DPYD: variants seen among roughly 807,000 people sequenced by gnomAD.
The protein encoded by DPYD is dihydropyrimidine dehydrogenase.
DPYD carries 109 observed loss-of-function variants against 116.2 expected under a neutral mutation model. The ratio of observed to expected loss-of-function variants is 0.94; its 90% CI spans 0.80 to 1.10. The LOEUF (loss-of-function observed/expected upper bound fraction) is 1.10. Ranked by LOEUF, DPYD falls within the 50% of genes least tolerant of loss-of-function variation. The pLI, the probability that DPYD is intolerant of heterozygous loss-of-function variation, is 0.00. For synonymous variants in DPYD, 440 were observed against 432.0 expected, an observed-to-expected ratio of 1.02 and a Z score of -0.23; for missense variants, 1,302 against 1,254.5, an observed-to-expected ratio of 1.04 and a Z score of -0.57.
chr1:97,306,195 C>A lies in DPYD; in HGVS notation c.2161G>T (p.Ala721Ser), dbSNP rs145548112. ...TPNVTDIVSI[A>S]RAAKEGGANG... ...TTCTTACCTTCCTTTGCAGCTCTTG[C>A]GATGCTCACAATATCAGTGACATTT... The change falls in exon 17 of 23, where the codon GCA becomes TCA. Residue 721 changes from alanine to serine, a missense_variant. Ala to Ser is a moderately conservative substitution (Grantham distance 99). Transcript: ENST00000370192. 5 of 1,612,376 alleles carry A rather than the reference C, an allele frequency of 3.1e-6. No individual in the cohort carries two copies. The highest frequency in any genetic ancestry group is 2.7e-5 in the African/African-American group (2 of 74,884).
chr1:97,173,434 G>A (rs1468160940), intron 20 of DPYD, among the ~76,000 whole-genome samples: 5 of 146,768 alleles, frequency 3.4e-5, no homozygotes, highest in African/African-American at 7.6e-5. Context: ...GTGTATATAC[G>A]TACATATATA....
rs150499371 is a variant in DPYD at position 97,078,869 on chromosome 1, G to A, written c.*107C>T. ...AATTACATATTTTTATTTAGAAAATGTATATTTGTTTTAATTTGGAAAGAG... is the reference window on the plus strand; with the variant it reads ...AATTACATATTTTTATTTAGAAAATATATATTTGTTTTAATTTGGAAAGAG... On this transcript the variant is annotated 3_prime_UTR_variant, in exon 23 of 23. Transcript: ENST00000370192. 1.5e-5 allele frequency: 19 copies of A among 1,289,728 alleles called. No individual in the cohort carries two copies. In the African/African-American group the frequency reaches 1.9e-4, roughly 13 times the overall value. The allele number at this position is 1,289,728 out of a possible 1,614,324, so 79.9% of individuals were successfully genotyped here. A position where few individuals can be genotyped will look rare whatever the true frequency, so the allele number is the denominator to read the frequency against.
intron 16 of DPYD, among the ~76,000 whole-genome samples, chr1:97,315,706 G>A (rs950549802): frequency 2.6e-5 from 4 of 151,930 alleles, no homozygotes; most frequent in African/African-American, 9.7e-5. Flanking sequence ...GAATCCAAAC[G>A]AATCTCTCAA....
chr1:97,701,983 C>G (rs1014071003), intron 5 of DPYD, among the ~76,000 whole-genome samples: 1 of 151,590 alleles, frequency 6.6e-6, no homozygotes, highest in Non-Finnish European at 1.5e-5. Flanking sequence ...TTATTCCCAG[C>G]TACAATTTGT....
chr1:97,395,264 C>T (rs1672948061), intron 14 of DPYD, among the ~76,000 whole-genome samples: 2 of 151,438 alleles, frequency 1.3e-5, no homozygotes. Flanking sequence ...GTAAGGGGTT[C>T]TAGATCCTTT....
At chr1:97,245,912 T>A (rs1316620025) in intron 18 of DPYD, among the ~76,000 whole-genome samples, 1 of 152,112 alleles carries the variant, frequency 6.6e-6, no homozygotes, top group Admixed American at 6.6e-5. Flanking sequence ...TCTTTCACTT[T>A]ACAAAGAATT....
At chr1:97,581,049 T>G (rs1162302761) in intron 10 of DPYD, among the ~76,000 whole-genome samples, 1 of 151,904 alleles carries the variant, frequency 6.6e-6, no homozygotes. Context: ...GGAGCCTGAT[T>G]AAAATTTGGC....
At chr1:97,703,150 C>G (rs757982306) in intron 5 of DPYD, among the ~76,000 whole-genome samples, 4 of 151,970 alleles carry the variant, frequency 2.6e-5, no homozygotes, top group African/African-American at 4.8e-5. Flanking sequence ...TTCTTTACAA[C>G]TTTTTATTGC....
chr1:97,151,425 G>A (rs916042799), intron 20 of DPYD, among the ~76,000 whole-genome samples: 3 of 152,164 alleles, frequency 2.0e-5, no homozygotes, highest in Non-Finnish European at 4.4e-5. Flanking sequence ...TGTAATCCCA[G>A]CACTTTGGGA....
intron 2 of DPYD, among the ~76,000 whole-genome samples, chr1:97,860,591 T>A (rs1260289616): frequency 6.6e-6 from 1 of 152,112 alleles, no homozygotes; most frequent in Non-Finnish European, 1.5e-5. Flanking sequence ...GACAAATCTT[T>A]AAGTTAAAAA....
At chr1:97,683,319 T>C (rs1169805180) in intron 7 of DPYD, among the ~76,000 whole-genome samples, 1 of 151,912 alleles carries the variant, frequency 6.6e-6, no homozygotes, top group East Asian at 1.9e-4. Context: ...TTTCTAATAC[T>C]ATCTCATAAT....
intron 20 of DPYD, among the ~76,000 whole-genome samples, chr1:97,149,680 C>T (rs555132576): frequency 5.4e-4 from 82 of 152,214 alleles, no homozygotes; most frequent in African/African-American, 1.9e-3. Flanking sequence ...TCCAAGCCTC[C>T]CAGTTTAAAA....
chr1:97,789,918 C>T (rs1020598798), intron 3 of DPYD, among the ~76,000 whole-genome samples: 1 of 151,976 alleles, frequency 6.6e-6, no homozygotes, highest in African/African-American at 2.4e-5. Flanking sequence ...CTTTGATAGA[C>T]TTAGAGATTG....
chr1:97,905,766 T>C (rs1382108062), intron 1 of DPYD, among the ~76,000 whole-genome samples: 1 of 152,036 alleles, frequency 6.6e-6, no homozygotes, highest in South Asian at 2.1e-4. Flanking sequence ...AGTGAATACA[T>C]ACGGTCAGGA....
intron 1 of DPYD, 99 bp downstream of exon 1, chr1:97,920,785 T>C (rs1286093627): frequency 6.7e-7 from 1 of 1,488,244 alleles, no homozygotes; most frequent in East Asian, 2.5e-5. Context: ...CGTCTCTCAC[T>C]CTCCGGGGTG....
intron 2 of DPYD, among the ~76,000 whole-genome samples, chr1:97,875,190 G>A (rs1039490111): frequency 6.6e-6 from 1 of 151,884 alleles, no homozygotes; most frequent in African/African-American, 2.4e-5. Context: ...TTCTTGCCTA[G>A]ATGACAAAGT....
At chr1:97,220,913 C>T (rs1048022774) in intron 19 of DPYD, among the ~76,000 whole-genome samples, 7 of 152,062 alleles carry the variant, frequency 4.6e-5, no homozygotes, top group Admixed American at 1.3e-4. Context: ...ACTCTTTACC[C>T]CAAGTTTACT....
rs1385767353 is a variant in DPYD, at chr1:97,762,219, C to A, written c.234-21740G>T. Among the ~76,000 whole-genome samples the A allele has an allele frequency of 3.3e-5, 5 of 152,074 alleles. 1 individual carries two copies. In the East Asian group the frequency reaches 5.8e-4, roughly 18 times the overall value. On this transcript the variant is annotated intron_variant, in intron 3 of 22. Coordinates refer to ENST00000370192, the MANE Select transcript of DPYD (RefSeq NM_000110.4). ...AAAAAGTAAAAGATGAGGTACATTC[C>A]AGAGAGGACATAGTCAGAGAAAAAT... is the stretch of plus-strand genomic sequence containing the variant.
At chr1:97,190,750 C>T (rs1188850527) in intron 20 of DPYD, among the ~76,000 whole-genome samples, 1 of 152,106 alleles carries the variant, frequency 6.6e-6, no homozygotes, top group Non-Finnish European at 1.5e-5. Flanking sequence ...CATACTTGGC[C>T]AAATCCTTGT....
Sources: allele counts gnomAD v4.1 joint callset (sites outside exome capture counted in the v4.1 genomes callset), GRCh38; gene constraint gnomAD v4.1.1; transcripts MANE v1.5; gene names NCBI Gene and HGNC (gene_info 2026-07-23, HGNC 2026-07-21).